Variants in USP21 observed in about 807,000 individuals in gnomAD.
USP21 encodes ubiquitin specific peptidase 21.
Under a neutral mutation model 70.8 loss-of-function variants are expected in USP21, and 37 were observed. The observed-to-expected ratio is 0.52, with a 90% CI of 0.40 to 0.69. USP21 has a LOEUF of 0.69. USP21 is among the 30% of genes least tolerant of loss of function. The pLI is 0.00. For synonymous variants in USP21, 263 were observed against 283.1 expected (o/e 0.93, Z 0.71); for missense variants, 584 against 740.8 (o/e 0.79, Z 2.46).
In USP21 at chr1:161,165,597, T is replaced by C. The variant is rs1196215402; in HGVS notation, c.*150T>C. The C allele has an allele frequency of 1.3e-5, 8 of 602,406 alleles. No individual in the cohort carries two copies. The allele number at this position is 602,406 out of a possible 1,614,324, so 37.3% of individuals were successfully genotyped here. ...CTCCATTATTTTTTTTATTAAAAAA[T>C]ACCCTTCCACCTGGAGGCTCCCTTG... On this transcript the variant is annotated 3_prime_UTR_variant, in exon 14 of 14. Transcript: ENST00000368002.
At position 161,161,553 on chromosome 1, in the gene USP21, C is replaced by T. The variant is rs1657930784; in HGVS notation, c.600+313C>T. 2.4e-6 allele frequency: 1 copy of T among 410,544 alleles called. No individual in the cohort carries two copies. Among genetic ancestry groups the T allele is most frequent in the African/African-American group, 2.0e-5 (1 of 49,992 alleles). 25.4% of individuals were successfully genotyped at this position (410,544 alleles called of 1,614,324 possible). A position where few individuals can be genotyped will look rare whatever the true frequency, so the allele number is the denominator to read the frequency against. On this transcript the variant is annotated intron_variant, in intron 3 of 13. Coordinates refer to ENST00000368002, the MANE Select transcript of USP21 (RefSeq NM_001014443.3). The surrounding 1 kb of genome is among the most constrained non-coding windows in gnomAD (Gnocchi z 4.2). The stretch of plus-strand genomic sequence containing the variant: ...CTTCTCTACTGGGACTCTGCCTAGG[C>T]CTAATTAATCTCTGGAGCTAAAGAG...
Position 161,165,099 on chromosome 1 carries a change from C to T in USP21, c.1563C>T (p.Ala521=), listed in dbSNP as rs577574792. 4.3e-6 allele frequency: 7 copies of T among 1,613,990 alleles called. No individual in the cohort carries two copies. In the South Asian group the frequency reaches 6.6e-5, roughly 15 times the overall value. ...GCGTCCACTATGGCCACTACACAGC[C>T]CTGTGCCGGTGCCAGACTGGTTGGC... The part of the protein sequence containing the change: ...SGSVHYGHYT[A]LCRCQTGWHV... Residue 521 remains alanine (A), a synonymous_variant, in exon 13 of 14, where the codon GCC becomes GCT. Transcript: ENST00000368002.
rs1346015833 is a variant in USP21, at chr1:161,160,904, T to A, written c.264T>A (p.Val88=). ...GCCCCCTTCGAGCAGATCATGGGGTTCCCCTGCCTGGCTCACCACCCCCAA... is the reference window on the plus strand; with the variant it reads ...GCCCCCTTCGAGCAGATCATGGGGTACCCCTGCCTGGCTCACCACCCCCAA... ...PRGPLRADHG[V]PLPGSPPPTV... Residue 88 remains valine, a synonymous_variant, in exon 3 of 14, where the codon GTT becomes GTA. Coordinates refer to ENST00000368002, the MANE Select transcript of USP21 (RefSeq NM_001014443.3). 6.2e-7 allele frequency: 1 copy of A among 1,614,042 alleles called. No homozygotes were observed. The highest frequency in any genetic ancestry group is 1.3e-5 in the African/African-American group (1 of 74,904).
At position 161,164,515 on chromosome 1, in the gene USP21, C is replaced by A; in HGVS notation, c.1306-19C>A. On this transcript the variant is annotated intron_variant, in intron 10 of 13. Coordinates refer to ENST00000368002, the MANE Select transcript of USP21 (RefSeq NM_001014443.3). The surrounding 1 kb of genome is among the most constrained non-coding windows in gnomAD (Gnocchi z 4.2). ...AGGTTAGGAGCATATTAACCTAACA[C>A]TGTTTGCCATTTATTCAGGTGTGTG... The A allele has an allele frequency of 6.2e-7, 1 of 1,614,106 alleles. No individual in the cohort carries two copies. The highest frequency in any genetic ancestry group is 8.5e-7 in the Non-Finnish European group (1 of 1,180,000).
In USP21 at chr1:161,165,513, C is replaced by T; in HGVS notation, c.*66C>T. The stretch of plus-strand genomic sequence containing the variant: ...CTTAAGCCCCAGGCTCCCCGTTTAC[C>T]TCAGAGACGTCTATTTTTGTGTCTT... On this transcript the variant is annotated 3_prime_UTR_variant, in exon 14 of 14. Transcript: ENST00000368002. The T allele has an allele frequency of 3.5e-6, 4 of 1,139,608 alleles. 1 individual carries two copies. The South Asian group carries it at 6.1e-5, about 18-fold the overall frequency. 70.6% of individuals were successfully genotyped at this position (1,139,608 alleles called of 1,614,324 possible).
At position 161,165,563 on chromosome 1, in the gene USP21, T is replaced by A; in HGVS notation, c.*116T>A. ...TTTTAATCGGGGAGGGGGGAGGGGG[T>A]GGTTGTAGCTCCATTATTTTTTTTA... On this transcript the variant is annotated 3_prime_UTR_variant, in exon 14 of 14. Coordinates refer to ENST00000368002, the MANE Select transcript of USP21 (RefSeq NM_001014443.3). 13 of 323,186 alleles carry A rather than the reference T, an allele frequency of 4.0e-5. No homozygotes were observed. Among genetic ancestry groups the A allele is most frequent in the East Asian group, 8.5e-5 (1 of 11,700 alleles). 20.0% of individuals were successfully genotyped at this position (323,186 alleles called of 1,614,324 possible).
intron 7 of USP21, 86 bp downstream of exon 7, chr1:161,163,160 A>G: frequency 1.4e-6 from 2 of 1,458,128 alleles, no homozygotes; most frequent in South Asian, 2.7e-5. Flanking sequence ...AAGATTGAAG[A>G]TGTAGGGTCC....
In USP21 at chr1:161,165,022, C is replaced by T. The variant is rs1244773580; in HGVS notation, c.1493-7C>T. 6.2e-7 allele frequency: 1 copy of T among 1,613,928 alleles called. No homozygotes were observed. ...ATTATAGAACTTGATCATCTCCAAC[C>T]CCGCAGGAAGTCCTGTATACCAGCT... On this transcript the variant is annotated splice_polypyrimidine_tract_variant and splice_region_variant and intron_variant, in intron 12 of 13. Transcript: ENST00000368002.
At chr1:161,163,696 A>G (rs1658134765) in intron 8 of USP21, 77 bp downstream of exon 8, 10 of 1,462,750 alleles carry the variant, frequency 6.8e-6, no homozygotes, top group African/African-American at 1.4e-5. Context: ...AATCGATACT[A>G]TCAAGGGGTA....
At position 161,164,489 on chromosome 1, in the gene USP21, G is replaced by T. The variant is rs1279123160; in HGVS notation, c.1306-45G>T. ...GATCGGGGTGTCAGAAAAGCCAATT[G>T]AGGTTAGGAGCATATTAACCTAACA... On this transcript the variant is annotated intron_variant, in intron 10 of 13. Transcript: ENST00000368002. The surrounding 1 kb of genome is among the most constrained non-coding windows in gnomAD (Gnocchi z 4.2). The T allele has an allele frequency of 6.2e-7, 1 of 1,610,792 alleles. No homozygotes were observed. The highest frequency in any genetic ancestry group is 1.1e-5 in the South Asian group (1 of 90,946).
In USP21 at chr1:161,164,786, TC is replaced by T; in HGVS notation, c.1385-45del. On this transcript the variant is annotated intron_variant, in intron 11 of 13. Transcript: ENST00000368002. The surrounding 1 kb of genome is among the most constrained non-coding windows in gnomAD (Gnocchi z 4.2). ...GGACAGCTTTCAGGATAGAAGAAGT[TC>T]CCCTCAGAGGCCCACTGCCTCCCAA... 6.3e-7 allele frequency: 1 copy of T among 1,598,608 alleles called. No homozygotes were observed. Among genetic ancestry groups the T allele is most frequent in the Non-Finnish European group, 8.5e-7 (1 of 1,170,638 alleles).
Position 161,161,128 on chromosome 1 carries a change from T to C in USP21, c.488T>C (p.Phe163Ser), listed in dbSNP as rs1279258107. Residue 163 changes from phenylalanine to serine, a missense_variant, in exon 3 of 14, where the codon TTT becomes TCT. This residue lies in a region of USP21 where 284 missense variants were observed against 281.0 expected (regional missense o/e 1.01). Transcript: ENST00000368002. The surrounding 1 kb of genome is among the most constrained non-coding windows in gnomAD (Gnocchi z 4.2). ...RSTSLRRLGG[F>S]PGPPTLFSIR... ...ACTTCTCTCCGCCGCCTAGGGGGCT[T>C]TCCTGGACCCCCTACCCTGTTCAGC... The C allele has an allele frequency of 7.4e-6, 12 of 1,614,146 alleles. No individual in the cohort carries two copies. Among genetic ancestry groups the C allele is most frequent in the Non-Finnish European group, 9.3e-6 (11 of 1,179,994 alleles).
intron 13 of USP21, 32 bp downstream of exon 13, chr1:161,165,175 C>G: frequency 6.3e-7 from 1 of 1,588,242 alleles, no homozygotes; most frequent in Non-Finnish European, 8.6e-7. Flanking sequence ...CATCCTGCCC[C>G]ATTCCCACTC....
chr1:161,164,620 A>G lies in USP21; in HGVS notation c.1384+8A>G. 1.2e-6 allele frequency: 2 copies of G among 1,614,074 alleles called. No individual in the cohort carries two copies. The highest frequency in any genetic ancestry group is 1.3e-5 in the African/African-American group (1 of 75,054). ...CTCGAATCCTCGTGCTCCATATCCTAATCTTCAGATTCTTACTTCTCTTAG... is the reference window on the plus strand; with the variant it reads ...CTCGAATCCTCGTGCTCCATATCCTGATCTTCAGATTCTTACTTCTCTTAG... On this transcript the variant is annotated splice_region_variant and intron_variant, in intron 11 of 13. Transcript: ENST00000368002. This position sits in a 1 kb window ranked among gnomAD's most constrained non-coding sequence, Gnocchi z 4.2.
chr1:161,160,300 T>A (rs1558000224), intron 1 of USP21, 66 bp from the exon 2 acceptor site: 2 of 311,206 alleles, frequency 6.4e-6, no homozygotes, highest in Non-Finnish European at 1.2e-5. Context: ...ATGGGCTGCT[T>A]ATCTTTCATT....
At position 161,162,236 on chromosome 1, in the gene USP21, G is replaced by T. The variant is rs779208779; in HGVS notation, c.661-34G>T. The T allele has an allele frequency of 1.9e-6, 3 of 1,609,158 alleles. No homozygotes were observed. Among genetic ancestry groups the T allele is most frequent in the Non-Finnish European group, 2.5e-6 (3 of 1,176,660 alleles). On this transcript the variant is annotated intron_variant, in intron 4 of 13. Coordinates refer to ENST00000368002, the MANE Select transcript of USP21 (RefSeq NM_001014443.3). This position sits in a 1 kb window ranked among gnomAD's most constrained non-coding sequence, Gnocchi z 4.1. ...CTAAGGCTTCCTGGGCAGTGGTCTGGAGAGATAACAGCAGTGTCCCTACTG... is the reference window on the plus strand; with the variant it reads ...CTAAGGCTTCCTGGGCAGTGGTCTGTAGAGATAACAGCAGTGTCCCTACTG...
chr1:161,160,398 C>A lies in USP21; in HGVS notation c.-130C>A. 1.7e-6 allele frequency: 1 copy of A among 584,996 alleles called. No individual in the cohort carries two copies. Among genetic ancestry groups the A allele is most frequent in the South Asian group, 2.2e-5 (1 of 46,256 alleles). 36.2% of individuals were successfully genotyped at this position (584,996 alleles called of 1,614,324 possible). On this transcript the variant is annotated 5_prime_UTR_variant, in exon 2 of 14. The change creates a new upstream start codon in the 5' untranslated region. Coordinates refer to ENST00000368002, the MANE Select transcript of USP21 (RefSeq NM_001014443.3). ...GGATACGATGGCTGATTCGATAGAT[C>A]TGGTTCCTGCCCTCAGTGCGTATAC...
chr1:161,163,095 C>T (rs371466167), intron 7 of USP21, 21 bp downstream of exon 7: 16 of 1,566,012 alleles, frequency 1.0e-5, no homozygotes, highest in Non-Finnish European at 1.3e-5. Context: ...TTCCCTCTAC[C>T]TCCTTTCCCC....
chr1:161,163,773 G>A, intron 8 of USP21, 105 bp from the exon 9 acceptor site: 1 of 1,342,058 alleles, frequency 7.5e-7, no homozygotes, highest in East Asian at 2.3e-5. Flanking sequence ...GTTGGTAGTG[G>A]GAAAGGAAGG....
Sources: gnomAD v4.1 joint callset for allele counts on GRCh38, gnomAD v4.1.1 for gene constraint, gnomAD v4.1.1 regional missense constraint, Gnocchi (gnomAD v3.1) non-coding constraint, MANE v1.5 for transcripts, NCBI Gene and HGNC (gene_info 2026-07-23, HGNC 2026-07-21) for gene names.